Variants in CDK14 observed in about 807,000 individuals in gnomAD.
CDK14 encodes cyclin dependent kinase 14, also known as cyclin-dependent kinase 14.
In CDK14, 34 loss-of-function variants were observed where a neutral mutation model predicts 60.7. That is an observed-to-expected ratio of 0.56 (90% CI 0.43 to 0.75). The LOEUF (loss-of-function observed/expected upper bound fraction) is 0.75. CDK14 is among the 30% of genes least tolerant of loss of function. The pLI, the probability that CDK14 is intolerant of heterozygous loss-of-function variation, is 0.00. For missense variants in CDK14, 482 were observed against 564.1 expected, an observed-to-expected ratio of 0.85 and a Z score of 1.47; for synonymous variants, 197 against 203.7, an observed-to-expected ratio of 0.97 and a Z score of 0.28.
intron 2 of CDK14, among the ~76,000 whole-genome samples, chr7:90,614,295 G>A (rs767892119): frequency 6.6e-6 from 1 of 152,100 alleles, no homozygotes. Context: ...ATAAGCCACC[G>A]TCCCCGGCCT....
At chr7:90,759,425 T>C (rs1804226177) in intron 4 of CDK14, among the ~76,000 whole-genome samples, 1 of 152,196 alleles carries the variant, frequency 6.6e-6, no homozygotes, top group Admixed American at 6.5e-5. Flanking sequence ...GCAAAAGTGT[T>C]TTGTTTGAGT....
chr7:90,602,036 A>C (rs1799327654), intron 1 of CDK14, among the ~76,000 whole-genome samples: 1 of 152,038 alleles, frequency 6.6e-6, no homozygotes, highest in Admixed American at 6.6e-5. Context: ...CAAACTCCTG[A>C]GCTCTGGCGA....
intron 4 of CDK14, among the ~76,000 whole-genome samples, chr7:90,764,536 C>T (rs1409970965): frequency 6.6e-6 from 1 of 152,016 alleles, no homozygotes; most frequent in African/African-American, 2.4e-5. Context: ...ATGGCAGGTA[C>T]CTTAAAAATC....
At chr7:91,186,930 A>G (rs1210961816) in intron 14 of CDK14, among the ~76,000 whole-genome samples, 4 of 152,226 alleles carry the variant, frequency 2.6e-5, no homozygotes, top group Admixed American at 6.5e-5. Flanking sequence ...CAGAGCTACA[A>G]TAAATCTGCA....
At chr7:91,034,077 G>C (rs978928380) in intron 10 of CDK14, among the ~76,000 whole-genome samples, 1 of 152,114 alleles carries the variant, frequency 6.6e-6, no homozygotes, top group African/African-American at 2.4e-5. Context: ...TGTTATCCTC[G>C]ACTTTCTTTA....
At chr7:91,178,469 A>C (rs1380499039) in intron 14 of CDK14, among the ~76,000 whole-genome samples, 3 of 143,184 alleles carry the variant, frequency 2.1e-5, no homozygotes, top group South Asian at 2.3e-4. Context: ...ATGGGATCTA[A>C]TTAAACTAAA....
chr7:90,740,674 T>G (rs953709760), intron 3 of CDK14, among the ~76,000 whole-genome samples: 5 of 152,184 alleles, frequency 3.3e-5, no homozygotes, highest in Admixed American at 2.0e-4. Flanking sequence ...CCACCAAGTA[T>G]GTGATGTTTT....
intron 1 of CDK14, among the ~76,000 whole-genome samples, chr7:90,602,270 A>G (rs1003322179): frequency 2.6e-5 from 4 of 152,242 alleles, no homozygotes; most frequent in African/African-American, 9.6e-5. Flanking sequence ...TGGCAGCCAC[A>G]TAGTGCGCGT....
intron 5 of CDK14, among the ~76,000 whole-genome samples, chr7:90,831,212 G>T (rs986594149): frequency 1.3e-5 from 2 of 152,164 alleles, no homozygotes; most frequent in Non-Finnish European, 2.9e-5. Context: ...ATAAACAAAA[G>T]AGGTTTAATT....
intron 5 of CDK14, among the ~76,000 whole-genome samples, chr7:90,818,516 G>A (rs1050735571): frequency 1.3e-5 from 2 of 152,064 alleles, no homozygotes; most frequent in Admixed American, 1.3e-4. Context: ...CTATACTTCT[G>A]GATACTTCTT....
intron 2 of CDK14, among the ~76,000 whole-genome samples, chr7:90,625,392 A>G (rs895460158): frequency 6.6e-6 from 1 of 152,236 alleles, no homozygotes; most frequent in East Asian, 1.9e-4. Context: ...TGCCATGTAC[A>G]TTAAGCTTTC....
chr7:90,758,270 T>TTGTCTCTC (rs1804163743), intron 4 of CDK14, among the ~76,000 whole-genome samples: 1 of 149,604 alleles, frequency 6.7e-6, no homozygotes, highest in African/African-American at 2.4e-5. Flanking sequence ...CACTGTCTCT[T>TTGTCTCTC]TGTCTCTCTC....
chr7:90,647,764 G>T (rs916840162), intron 2 of CDK14, among the ~76,000 whole-genome samples: 2 of 152,176 alleles, frequency 1.3e-5, no homozygotes, highest in Non-Finnish European at 2.9e-5. Context: ...GCTGAGGCTG[G>T]ATGATCACTT....
chr7:91,008,146 C>A (rs10244807), intron 10 of CDK14, among the ~76,000 whole-genome samples: 17,953 of 82,248 alleles, frequency 0.22, 2,479 homozygotes, highest in African/African-American at 0.29. Context: ...AAAAAAAAAA[C>A]AAACAAAAAA....
intron 4 of CDK14, among the ~76,000 whole-genome samples, chr7:90,789,210 A>G (rs942439405): frequency 3.9e-5 from 6 of 152,210 alleles, no homozygotes; most frequent in African/African-American, 7.2e-5. Context: ...TTAGTATGCT[A>G]TACTCATACA....
chr7:91,198,496 G>A lies in CDK14; in HGVS notation c.*29-8669G>A, dbSNP rs139647506. Among the ~76,000 whole-genome samples the A allele has an allele frequency of 7.8e-4, 119 of 152,252 alleles. No individual in the cohort carries two copies. The East Asian group carries it at 0.02, about 26-fold the overall frequency. On this transcript the variant is annotated intron_variant, in intron 14 of 14. Transcript: ENST00000380050. Reference sequence around the variant, plus strand: ...AACATGTAACCAAACCAAACGAAAAGAAAGCATGTGGGATGCAGTACTACA... The same window carrying A: ...AACATGTAACCAAACCAAACGAAAAAAAAGCATGTGGGATGCAGTACTACA...
At chr7:90,803,218 G>C (rs1562776811) in intron 5 of CDK14, among the ~76,000 whole-genome samples, 1 of 152,020 alleles carries the variant, frequency 6.6e-6, no homozygotes, top group Admixed American at 6.6e-5. Context: ...GAAGATTTCA[G>C]TTTGCTGCCC....
intron 14 of CDK14, among the ~76,000 whole-genome samples, chr7:91,174,439 G>A (rs903673475): frequency 9.2e-5 from 14 of 151,678 alleles, no homozygotes; most frequent in African/African-American, 3.1e-4. Flanking sequence ...CACCAGCAAC[G>A]GAACAAAGCT....
intron 2 of CDK14, among the ~76,000 whole-genome samples, chr7:90,649,382 C>T (rs1367452111): frequency 8.5e-5 from 5 of 59,112 alleles, no homozygotes; most frequent in Non-Finnish European, 1.2e-4. Context: ...TCCTTCCTTC[C>T]TTCCTTCCTT....
Sources: allele counts gnomAD v4.1 joint callset (sites outside exome capture counted in the v4.1 genomes callset), GRCh38; gene constraint gnomAD v4.1.1; transcripts MANE v1.5; gene names NCBI Gene and HGNC (gene_info 2026-07-23, HGNC 2026-07-21).